Variants in NMNAT2 observed in about 807,000 individuals in gnomAD.
The protein encoded by NMNAT2 is nicotinamide nucleotide adenylyltransferase 2.
Under a neutral mutation model 41.6 loss-of-function variants are expected in NMNAT2, and 11 were observed. That is an observed-to-expected ratio of 0.26 (90% CI 0.17 to 0.44). NMNAT2 has a LOEUF of 0.44. Ranked by LOEUF, NMNAT2 falls within the 20% of genes least tolerant of loss-of-function variation. The probability of loss-of-function intolerance (pLI) is 1.00; values close to 1 mark genes in which losing one functional copy is unlikely to be tolerated. For synonymous variants in NMNAT2, 148 were observed against 151.2 expected, an observed-to-expected ratio of 0.98 and a Z score of 0.16; for missense variants, 288 against 407.7, an observed-to-expected ratio of 0.71 and a Z score of 2.53.
chr1:183,331,786 T>C (rs1357856997), intron 1 of NMNAT2, among the ~76,000 whole-genome samples: 1 of 152,100 alleles, frequency 6.6e-6, no homozygotes, highest in Non-Finnish European at 1.5e-5. Flanking sequence ...TAGTTTTTTA[T>C]TTTCATTTAT....
chr1:183,356,260 T>G (rs1011965065), intron 1 of NMNAT2, among the ~76,000 whole-genome samples: 36 of 152,234 alleles, frequency 2.4e-4, no homozygotes, highest in African/African-American at 8.2e-4. Context: ...ACTTTAACCT[T>G]ATTCTTGTAA....
At chr1:183,361,297 C>T (rs550666132) in intron 1 of NMNAT2, among the ~76,000 whole-genome samples, 1 of 152,296 alleles carries the variant, frequency 6.6e-6, no homozygotes, top group South Asian at 2.1e-4. Flanking sequence ...TGGCAAGCCA[C>T]GACTTGTTCT....
chr1:183,371,913 G>T (rs1420175948), intron 1 of NMNAT2, among the ~76,000 whole-genome samples: 1 of 152,036 alleles, frequency 6.6e-6, no homozygotes, highest in Non-Finnish European at 1.5e-5. Flanking sequence ...CTGAGTAGCT[G>T]GGACCACAGG....
Position 183,418,166 on chromosome 1 carries a change from TG to T in NMNAT2, c.85+16del. 6.2e-7 allele frequency: 1 copy of T among 1,610,844 alleles called. No individual in the cohort carries two copies. The highest frequency in any genetic ancestry group is 1.3e-5 in the African/African-American group (1 of 74,696). ...GAGGAGCGGAAGCGGCTTCCAGAGG[TG>T]GGCGGGAGGACTCACCAAACATCTG... On this transcript the variant is annotated intron_variant, in intron 1 of 10. Coordinates refer to ENST00000287713, the MANE Select transcript of NMNAT2 (RefSeq NM_015039.4).
At position 183,405,371 on chromosome 1, in the gene NMNAT2, G is replaced by A. The variant is rs188264379; in HGVS notation, c.85+12812C>T. On this transcript the variant is annotated intron_variant, in intron 1 of 10. Coordinates refer to ENST00000287713, the MANE Select transcript of NMNAT2 (RefSeq NM_015039.4). ...GATAATTATTGAAGCTGGGTGATAG[G>A]TGCATCAAGTTCATTGTTGTATTGT... Among the ~76,000 whole-genome samples the A allele has an allele frequency of 2.3e-3, 348 of 152,334 alleles. 1 individual carries two copies. Among genetic ancestry groups the A allele is most frequent in the Non-Finnish European group, 3.9e-3 (266 of 68,026 alleles).
intron 1 of NMNAT2, among the ~76,000 whole-genome samples, chr1:183,362,674 T>C (rs1338953854): frequency 2.0e-5 from 3 of 152,152 alleles, no homozygotes; most frequent in African/African-American, 7.2e-5. Flanking sequence ...AGTTGATGGG[T>C]ATTTGGGTTG....
chr1:183,279,356 C>A (rs1272176852), intron 7 of NMNAT2, among the ~76,000 whole-genome samples: 1 of 152,230 alleles, frequency 6.6e-6, no homozygotes, highest in African/African-American at 2.4e-5. Flanking sequence ...CAGTGGGGAA[C>A]AACATTCTGA....
At chr1:183,311,528 G>T (rs1339091743) in intron 1 of NMNAT2, among the ~76,000 whole-genome samples, 1 of 151,978 alleles carries the variant, frequency 6.6e-6, no homozygotes, top group Non-Finnish European at 1.5e-5. Context: ...TGGACAAAGA[G>T]GCCTGTCCCC....
chr1:183,258,727 G>A (rs1231145772), intron 10 of NMNAT2, among the ~76,000 whole-genome samples: 1 of 151,988 alleles, frequency 6.6e-6, no homozygotes, highest in Non-Finnish European at 1.5e-5. Context: ...TGTAGACCCT[G>A]CACTTGATGG....
chr1:183,373,241 C>A (rs1288348899), intron 1 of NMNAT2, among the ~76,000 whole-genome samples: 7 of 152,210 alleles, frequency 4.6e-5, no homozygotes, highest in Admixed American at 4.6e-4. Flanking sequence ...GGTAGGGCAA[C>A]ATTGCTGAAT....
At chr1:183,293,896 C>T in intron 1 of NMNAT2, 103 bp from the exon 2 acceptor site, 1 of 778,702 alleles carries the variant, frequency 1.3e-6, no homozygotes, top group Non-Finnish European at 2.2e-6. Context: ...GGGTTTATTT[C>T]CCATCTCTCT....
At chr1:183,356,823 A>G (rs188601187) in intron 1 of NMNAT2, among the ~76,000 whole-genome samples, 30 of 152,338 alleles carry the variant, frequency 2.0e-4, no homozygotes, top group African/African-American at 7.2e-4. Flanking sequence ...ATGTCTGAAA[A>G]TAACTGTCTA....
chr1:183,401,301 G>A (rs1390480863), intron 1 of NMNAT2, among the ~76,000 whole-genome samples: 1 of 152,152 alleles, frequency 6.6e-6, no homozygotes, highest in Non-Finnish European at 1.5e-5. Flanking sequence ...GCAGCCAACA[G>A]ACACATGAAA....
intron 1 of NMNAT2, among the ~76,000 whole-genome samples, chr1:183,332,807 G>C (rs1187211311): frequency 1.3e-5 from 2 of 152,194 alleles, no homozygotes; most frequent in Non-Finnish European, 2.9e-5. Context: ...ACTTACCAGG[G>C]GAAATTCTCA....
chr1:183,355,754 G>A (rs576996435), intron 1 of NMNAT2, among the ~76,000 whole-genome samples: 13 of 152,310 alleles, frequency 8.5e-5, no homozygotes, highest in African/African-American at 2.2e-4. Flanking sequence ...CCTCCAGCCC[G>A]GATTGTGCTC....
At chr1:183,295,687 C>T (rs1028542297) in intron 1 of NMNAT2, among the ~76,000 whole-genome samples, 4 of 152,130 alleles carry the variant, frequency 2.6e-5, no homozygotes, top group African/African-American at 9.7e-5. Context: ...TTTTCCCAAA[C>T]CCCTGGCAAC....
rs140666730 is a variant in NMNAT2 at position 183,382,766 on chromosome 1, G to A, written c.85+35417C>T. Among the ~76,000 whole-genome samples the A allele has an allele frequency of 2.5e-4, 38 of 152,182 alleles. No homozygotes were observed. The East Asian group carries it at 5.4e-3, about 22-fold the overall frequency. On this transcript the variant is annotated intron_variant, in intron 1 of 10. Transcript: ENST00000287713. ...CATATCCAGCCCACCCATCAGTAAG[G>A]GGCAGGCTTCCAAGGCCTTGGGCAT...
chr1:183,344,315 T>G (rs1662880224), intron 1 of NMNAT2, among the ~76,000 whole-genome samples: 1 of 152,064 alleles, frequency 6.6e-6, no homozygotes, highest in Non-Finnish European at 1.5e-5. Flanking sequence ...TCCCAGGAGG[T>G]ACAGTATAAC....
chr1:183,403,314 T>C (rs1648867044), intron 1 of NMNAT2, among the ~76,000 whole-genome samples: 1 of 152,220 alleles, frequency 6.6e-6, no homozygotes, highest in African/African-American at 2.4e-5. Context: ...TCAATTTCTT[T>C]AAACAAACAA....
Sources: gnomAD v4.1 joint callset for allele counts (sites outside exome capture counted in the v4.1 genomes callset) on GRCh38, gnomAD v4.1.1 for gene constraint, MANE v1.5 for transcripts, NCBI Gene and HGNC (gene_info 2026-07-23, HGNC 2026-07-21) for gene names.